ITPR2: variants seen among roughly 807,000 people sequenced by gnomAD.
ITPR2 encodes inositol 1,4,5-trisphosphate-gated calcium channel ITPR2.
ITPR2 carries 207 observed loss-of-function variants against 317.1 expected under a neutral mutation model. The observed-to-expected ratio is 0.65, with a 90% CI of 0.58 to 0.73. The LOEUF (loss-of-function observed/expected upper bound fraction) is 0.73, where lower values mean the gene tolerates loss of function less well. Ranked by LOEUF, ITPR2 falls within the 30% of genes least tolerant of loss-of-function variation. The probability of loss-of-function intolerance (pLI) is 0.00; values close to 1 mark genes in which losing one functional copy is unlikely to be tolerated. For synonymous variants in ITPR2, 1,156 were observed against 1,149.1 expected, an observed-to-expected ratio of 1.01 and a Z score of -0.12; for missense variants, 2,613 against 3,284.0, an observed-to-expected ratio of 0.80 and a Z score of 4.99.
At chr12:26,361,138 C>G (rs1002157165) in intron 55 of ITPR2, among the ~76,000 whole-genome samples, 1 of 151,672 alleles carries the variant, frequency 6.6e-6, no homozygotes, top group Non-Finnish European at 1.5e-5. Context: ...TCACTTGAAC[C>G]CAGGAGGCGG....
At chr12:26,646,658 T>A (rs1591993926) in intron 21 of ITPR2, among the ~76,000 whole-genome samples, 1 of 152,302 alleles carries the variant, frequency 6.6e-6, no homozygotes, top group South Asian at 2.1e-4. Flanking sequence ...GACAGCAGAA[T>A]TATTTTAGGA....
At chr12:26,474,655 G>T (rs373996251) in intron 45 of ITPR2, among the ~76,000 whole-genome samples, 2 of 150,966 alleles carry the variant, frequency 1.3e-5, no homozygotes, top group African/African-American at 4.8e-5. Flanking sequence ...TTAGCCGGGC[G>T]TAGTGGCGGG....
chr12:26,774,685 A>G (rs1446506672), intron 2 of ITPR2, among the ~76,000 whole-genome samples: 2 of 152,218 alleles, frequency 1.3e-5, no homozygotes, highest in African/African-American at 4.8e-5. Context: ...GATCCACAAG[A>G]ATGTGAACAT....
At chr12:26,654,263 G>A in intron 20 of ITPR2, 137 bp from the exon 21 acceptor site, 1 of 647,360 alleles carries the variant, frequency 1.5e-6, no homozygotes, top group Non-Finnish European at 2.5e-6. Context: ...TTAACACCTA[G>A]GAATTAAAAT....
chr12:26,702,291 G>T (rs1306546852), intron 9 of ITPR2, among the ~76,000 whole-genome samples: 1 of 145,920 alleles, frequency 6.9e-6, no homozygotes, highest in Middle Eastern at 3.4e-3. Flanking sequence ...AATATGCTCT[G>T]TATTACTTCA....
At chr12:26,553,583 G>C (rs1944583506) in intron 36 of ITPR2, among the ~76,000 whole-genome samples, 1 of 152,040 alleles carries the variant, frequency 6.6e-6, no homozygotes, top group African/African-American at 2.4e-5. Flanking sequence ...TCAGGAGATT[G>C]AGACCATCCT....
Position 26,725,780 on chromosome 12 carries a change from C to A in ITPR2, c.164-15G>T, listed in dbSNP as rs920098201. The A allele has an allele frequency of 3.3e-6, 5 of 1,512,612 alleles. No homozygotes were observed. In the African/African-American group the frequency reaches 5.5e-5, roughly 17 times the overall value. 93.7% of individuals were successfully genotyped at this position (1,512,612 alleles called of 1,614,324 possible). On this transcript the variant is annotated splice_polypyrimidine_tract_variant and intron_variant, in intron 2 of 56. Coordinates refer to ENST00000381340, the MANE Select transcript of ITPR2 (RefSeq NM_002223.4). ...GAAAAGGCAGTCTGTGACAAACCAACATACAAAAACACTGTAACTAAGGCT... is the reference window on the plus strand; with the variant it reads ...GAAAAGGCAGTCTGTGACAAACCAAAATACAAAAACACTGTAACTAAGGCT...
intron 37 of ITPR2, among the ~76,000 whole-genome samples, chr12:26,515,581 C>G (rs1015361089): frequency 6.6e-6 from 1 of 151,838 alleles, no homozygotes; most frequent in Admixed American, 6.6e-5. Context: ...CAGATATAAT[C>G]CACAAACTAC....
intron 1 of ITPR2, among the ~76,000 whole-genome samples, chr12:26,793,795 G>A (rs1284750397): frequency 1.3e-5 from 2 of 152,164 alleles, no homozygotes; most frequent in Non-Finnish European, 2.9e-5. Flanking sequence ...GGAGACGAAA[G>A]AGAGATTTGG....
intron 48 of ITPR2, among the ~76,000 whole-genome samples, chr12:26,433,105 G>C (rs1352451028): frequency 6.6e-6 from 1 of 152,138 alleles, no homozygotes; most frequent in African/African-American, 2.4e-5. Context: ...AGCTAATCCT[G>C]ACCAAAATGT....
intron 2 of ITPR2, among the ~76,000 whole-genome samples, chr12:26,732,465 A>G (rs1271698267): frequency 6.6e-6 from 1 of 152,204 alleles, no homozygotes; most frequent in Non-Finnish European, 1.5e-5. Context: ...TCTTAGTGGT[A>G]GGGACACCAA....
Position 26,599,200 on chromosome 12 carries a change from A to G in ITPR2, c.3947T>C (p.Ile1316Thr). ...HVEYLRFLQT[I>T]VKADGKYVKK... Reference sequence around the variant, plus strand: ...CACATATTTACCATCTGCTTTTACAATTGTTTGCAAAAACCTCAGGTACTC... The same window carrying G: ...CACATATTTACCATCTGCTTTTACAGTTGTTTGCAAAAACCTCAGGTACTC... Residue 1316 changes from isoleucine to threonine, a missense_variant, in exon 30 of 57, where the codon ATT (isoleucine) becomes ACT (threonine). This residue lies in a region of ITPR2 where 817 missense variants were observed against 897.6 expected (regional missense o/e 0.91). Transcript: ENST00000381340. 6.2e-7 allele frequency: 1 copy of G among 1,613,956 alleles called. No individual in the cohort carries two copies. Among genetic ancestry groups the G allele is most frequent in the East Asian group, 2.2e-5 (1 of 44,892 alleles).
At chr12:26,621,430 A>G (rs572877090) in intron 25 of ITPR2, 134 bp from the exon 26 acceptor site, 1 of 489,540 alleles carries the variant, frequency 2.0e-6, no homozygotes, top group South Asian at 6.6e-5. Flanking sequence ...TTCACACATT[A>G]TAATTTTTTT....
intron 54 of ITPR2, among the ~76,000 whole-genome samples, chr12:26,397,039 T>C (rs780666623): frequency 2.0e-5 from 3 of 152,076 alleles, no homozygotes; most frequent in Non-Finnish European, 4.4e-5. Context: ...TGACTCTGCT[T>C]CTGGTACTGT....
chr12:26,439,717 T>C (rs557765449), intron 46 of ITPR2, among the ~76,000 whole-genome samples: 1 of 152,350 alleles, frequency 6.6e-6, no homozygotes, highest in African/African-American at 2.4e-5. Context: ...GTTCTTAGCC[T>C]CTTCATCCTA....
At chr12:26,469,770 T>G (rs1407190245) in intron 45 of ITPR2, among the ~76,000 whole-genome samples, 1 of 152,036 alleles carries the variant, frequency 6.6e-6, no homozygotes, top group Non-Finnish European at 1.5e-5. Flanking sequence ...GAACAAGAAA[T>G]GTAAATCCTT....
chr12:26,498,694 G>T (rs985865228), intron 37 of ITPR2, among the ~76,000 whole-genome samples: 1 of 152,126 alleles, frequency 6.6e-6, no homozygotes, highest in African/African-American at 2.4e-5. Flanking sequence ...AATAACTAAA[G>T]CTGACAGTGT....
chr12:26,644,900 C>T (rs1409437812), intron 21 of ITPR2, among the ~76,000 whole-genome samples: 1 of 152,088 alleles, frequency 6.6e-6, no homozygotes, highest in Non-Finnish European at 1.5e-5. Flanking sequence ...TAGCCCAGGC[C>T]GACTAAGACA....
intron 45 of ITPR2, among the ~76,000 whole-genome samples, chr12:26,459,290 TTC>T (rs1941959549): frequency 6.6e-6 from 1 of 152,342 alleles, no homozygotes; most frequent in South Asian, 2.1e-4. Context: ...TTCTCCCCTC[TTC>T]TCCAGGTTTT....
Sources: allele counts gnomAD v4.1 joint callset (sites outside exome capture counted in the v4.1 genomes callset), GRCh38; gene constraint gnomAD v4.1.1; regional missense constraint gnomAD v4.1.1; transcripts MANE v1.5; gene names NCBI Gene and HGNC (gene_info 2026-07-23, HGNC 2026-07-21).